SPECC1: variants seen among roughly 807,000 people sequenced by gnomAD.
SPECC1 encodes sperm antigen with calponin homology and coiled-coil domains 1.
Under a neutral mutation model 104.1 loss-of-function variants are expected in SPECC1, and 62 were observed. The ratio of observed to expected loss-of-function variants is 0.60; its 90% CI spans 0.49 to 0.74. The LOEUF is 0.74. Among genes scored for constraint, SPECC1 ranks in the 30% least tolerant of loss-of-function variants. SPECC1 has a pLI of 0.00. For missense variants in SPECC1, 1,306 were observed against 1,310.5 expected (o/e 1.00, Z 0.05); for synonymous variants, 513 against 501.6 (o/e 1.02, Z -0.30).
intron 4 of SPECC1, 125 bp from the exon 5 acceptor site, chr17:20,227,288 A>G: frequency 1.3e-6 from 1 of 762,528 alleles, no homozygotes; most frequent in African/African-American, 1.8e-5. Flanking sequence ...TAGATTGAAG[A>G]GGTTCATGTT....
chr17:20,094,977 C>T (rs2047575666), intron 1 of SPECC1, among the ~76,000 whole-genome samples: 3 of 152,238 alleles, frequency 2.0e-5, no homozygotes, highest in Non-Finnish European at 4.4e-5. Flanking sequence ...ATTAAGTCAT[C>T]TCCATGAGTC....
chr17:20,306,086 C>T lies in SPECC1; in HGVS notation c.3117+4C>T, dbSNP rs775105495. 2.3e-5 allele frequency: 37 copies of T among 1,612,644 alleles called. No individual in the cohort carries two copies. Among genetic ancestry groups the T allele is most frequent in the South Asian group, 1.8e-4 (16 of 90,892 alleles). ...TGTAGGCATCAAACCCAGCCTGGTA[C>T]GTATCCTATTTTGTATCCTTGTGAT... On this transcript the variant is annotated splice_donor_region_variant and intron_variant, in intron 14 of 14. Coordinates refer to ENST00000395527, the MANE Select transcript of SPECC1 (RefSeq NM_001243439.2).
In SPECC1 at chr17:20,162,982, T is replaced by G. The variant is rs2033307383; in HGVS notation, c.284-41351T>G. Among the ~76,000 whole-genome samples the G allele has an allele frequency of 2.0e-5, 3 of 152,122 alleles. No homozygotes were observed. In the South Asian group the frequency reaches 6.2e-4, roughly 31 times the overall value. ...GGCGGAGGTTGCGGTGAGCCAAGAT[T>G]GCACCATTGCACTCCAGCTTGGGCA... is the stretch of plus-strand genomic sequence containing the variant. On this transcript the variant is annotated intron_variant, in intron 3 of 14. Transcript: ENST00000395527.
At chr17:20,049,370 A>G (rs1321091129) in intron 1 of SPECC1, among the ~76,000 whole-genome samples, 1 of 152,116 alleles carries the variant, frequency 6.6e-6, no homozygotes, top group African/African-American at 2.4e-5. Context: ...ATTTGAGCCC[A>G]GGAGTTTGAG....
At chr17:20,108,008 A>G (rs1322250259) in intron 2 of SPECC1, among the ~76,000 whole-genome samples, 13 of 152,186 alleles carry the variant, frequency 8.5e-5, no homozygotes, top group Non-Finnish European at 1.5e-5. Flanking sequence ...TCTCTAAAAA[A>G]ACAAAAAGAC....
At chr17:20,152,634 A>C (rs1251193021) in intron 3 of SPECC1, among the ~76,000 whole-genome samples, 1 of 152,164 alleles carries the variant, frequency 6.6e-6, no homozygotes, top group Non-Finnish European at 1.5e-5. Flanking sequence ...AGAGAGAGAG[A>C]AAGATCTCTT....
intron 1 of SPECC1, chr17:20,067,451 C>T (rs1333470325): frequency 6.6e-6 from 1 of 152,052 alleles, no homozygotes; most frequent in Admixed American, 6.6e-5. Context: ...CCTAACCATT[C>T]TTAATATATA....
chr17:20,297,142 C>T, intron 13 of SPECC1, 65 bp downstream of exon 13: 1 of 1,414,908 alleles, frequency 7.1e-7, no homozygotes, highest in Admixed American at 1.8e-5. Flanking sequence ...TTGATAAACC[C>T]CACTGTGGGA....
chr17:20,248,525 C>T (rs1332476140), intron 9 of SPECC1, among the ~76,000 whole-genome samples: 1 of 152,170 alleles, frequency 6.6e-6, no homozygotes, highest in African/African-American at 2.4e-5. Flanking sequence ...TGCCCTCCCG[C>T]TTACAGTACT....
intron 7 of SPECC1, among the ~76,000 whole-genome samples, chr17:20,234,562 T>G (rs57818783): frequency 3.9e-5 from 6 of 152,208 alleles, no homozygotes; most frequent in Non-Finnish European, 8.8e-5. Flanking sequence ...AATGAGTTCT[T>G]GATTGAAACT....
chr17:20,222,066 G>A (rs1215131422), intron 4 of SPECC1, among the ~76,000 whole-genome samples: 1 of 151,004 alleles, frequency 6.6e-6, no homozygotes, highest in African/African-American at 2.4e-5. Context: ...AGGCGTGGTG[G>A]TTCAAGCCTG....
intron 2 of SPECC1, among the ~76,000 whole-genome samples, chr17:20,101,825 A>C (rs1287263960): frequency 6.6e-6 from 1 of 152,218 alleles, no homozygotes; most frequent in Non-Finnish European, 1.5e-5. Flanking sequence ...CAAGTTTGAG[A>C]AGCGGTGTCC....
chr17:20,239,878 G>GTTTTTT (rs60216339), intron 7 of SPECC1, among the ~76,000 whole-genome samples: 1 of 36,912 alleles, frequency 2.7e-5, no homozygotes, highest in African/African-American at 1.2e-4. Flanking sequence ...ATTTCGCTGA[G>GTTTTTT]TTTTTTTTTT....
chr17:20,153,164 G>C (rs1322580733), intron 3 of SPECC1, among the ~76,000 whole-genome samples: 2 of 152,192 alleles, frequency 1.3e-5, no homozygotes, highest in African/African-American at 4.8e-5. Flanking sequence ...CTCAGTTATG[G>C]ACGAGGTGTT....
intron 1 of SPECC1, among the ~76,000 whole-genome samples, chr17:20,059,662 AAC>A (rs2046110132): frequency 6.6e-6 from 1 of 152,164 alleles, no homozygotes; most frequent in African/African-American, 2.4e-5. Context: ...GTTGTATATG[AAC>A]ATCAAACATG....
intron 3 of SPECC1, among the ~76,000 whole-genome samples, chr17:20,145,407 G>A (rs2031345959): frequency 6.6e-6 from 1 of 152,096 alleles, no homozygotes; most frequent in Admixed American, 6.5e-5. Context: ...TCAGGGGTTC[G>A]GCATGCCAAA....
chr17:20,308,913 G>A (rs1014201906), intron 14 of SPECC1, among the ~76,000 whole-genome samples: 4 of 152,168 alleles, frequency 2.6e-5, no homozygotes, highest in Non-Finnish European at 4.4e-5. Context: ...ATTTTTCTTT[G>A]TAGTGTTGTA....
intron 1 of SPECC1, among the ~76,000 whole-genome samples, chr17:20,019,244 A>G (rs1412990810): frequency 1.4e-5 from 2 of 147,848 alleles, no homozygotes; most frequent in African/African-American, 2.5e-5. Flanking sequence ...TTATTTATTT[A>G]TTTATTTATT....
intron 4 of SPECC1, among the ~76,000 whole-genome samples, chr17:20,212,193 T>G (rs1378042084): frequency 2.0e-5 from 3 of 152,176 alleles, no homozygotes; most frequent in African/African-American, 7.2e-5. Context: ...AAAATAATAA[T>G]AATTCAACTT....
Sources: allele counts gnomAD v4.1 joint callset (sites outside exome capture counted in the v4.1 genomes callset), GRCh38; gene constraint gnomAD v4.1.1; transcripts MANE v1.5; gene names NCBI Gene and HGNC (gene_info 2026-07-23, HGNC 2026-07-21).